GLS: variants seen among roughly 807,000 people sequenced by gnomAD.
GLS encodes the protein glutaminase kidney isoform, mitochondrial.
Under a neutral mutation model 86.7 loss-of-function variants are expected in GLS, and 36 were observed. That is an observed-to-expected ratio of 0.42 (90% confidence interval 0.32 to 0.55). The LOEUF (loss-of-function observed/expected upper bound fraction) is 0.55, where lower values mean the gene tolerates loss of function less well. Among genes scored for constraint, GLS ranks in the 20% least tolerant of loss-of-function variants. The probability of loss-of-function intolerance (pLI) is 0.17; values close to 1 mark genes in which losing one functional copy is unlikely to be tolerated. For synonymous variants in GLS, 317 were observed against 305.9 expected (o/e 1.04, Z -0.38); for missense variants, 528 against 833.4 (o/e 0.63, Z 4.51).
At chr2:190,911,980 T>A (rs1689377430) in intron 7 of GLS, among the ~76,000 whole-genome samples, 2 of 152,276 alleles carry the variant, frequency 1.3e-5, no homozygotes, top group South Asian at 4.1e-4. Flanking sequence ...TAATGATTCA[T>A]GGGTTTAACA....
rs1434652459 is a variant in GLS at position 190,921,472 on chromosome 2, A to C, written c.1130+269A>C. ...CTCTCTTCTATTTCTGTTCCAGGCT[A>C]TCTGGATTTTTACCCCAATTTTTTA... is the stretch of plus-strand genomic sequence containing the variant. On this transcript the variant is annotated intron_variant, in intron 9 of 17. Transcript: ENST00000320717. This position sits in a 1 kb window ranked among gnomAD's most constrained non-coding sequence, Gnocchi z 4.2. Among the ~76,000 whole-genome samples, 1 of 151,898 alleles carries C rather than the reference A, an allele frequency of 6.6e-6. No individual in the cohort carries two copies. The highest frequency in any genetic ancestry group is 1.5e-5 in the Non-Finnish European group (1 of 67,826).
At chr2:190,937,070 T>G (rs1177383516) in intron 14 of GLS, among the ~76,000 whole-genome samples, 2 of 151,388 alleles carry the variant, frequency 1.3e-5, no homozygotes, top group East Asian at 3.9e-4. Flanking sequence ...CATGATGGCC[T>G]TATGCTCAGA....
chr2:190,899,902 A>G (rs1688878053), intron 3 of GLS, among the ~76,000 whole-genome samples: 1 of 152,124 alleles, frequency 6.6e-6, no homozygotes, highest in African/African-American at 2.4e-5. Context: ...CATTATATTT[A>G]CATATCTTAC....
At chr2:190,888,064 T>G (rs1388535084) in intron 1 of GLS, among the ~76,000 whole-genome samples, 1 of 152,138 alleles carries the variant, frequency 6.6e-6, no homozygotes, top group East Asian at 1.9e-4. Context: ...CTTTTAAGAT[T>G]TCCCCCCCAT....
At position 190,924,440 on chromosome 2, in the gene GLS, TTAAAA is replaced by T. The variant is rs2124902165; in HGVS notation, c.1198-101_1198-97del. The T allele has an allele frequency of 1.4e-6, 1 of 715,742 alleles. No homozygotes were observed. The highest frequency in any genetic ancestry group is 2.7e-5 in the East Asian group (1 of 37,584). The allele number at this position is 715,742 out of a possible 1,614,324, so 44.3% of individuals were successfully genotyped here. A position where few individuals can be genotyped will look rare whatever the true frequency, so the allele number is the denominator to read the frequency against. ...TAGAAGTTACATGCTATTTTATTAA[TTAAAA>T]TGAAACACTTGTGTACATTTGAAAT... On this transcript the variant is annotated intron_variant, in intron 10 of 17. Transcript: ENST00000320717. This position sits in a 1 kb window ranked among gnomAD's most constrained non-coding sequence, Gnocchi z 5.2.
chr2:190,949,928 A>AAT lies in GLS; in HGVS notation c.1651-3629_1651-3628dup, dbSNP rs1013318792. 1.3e-5 allele frequency among the ~76,000 whole-genome samples: 2 copies of AAT among 150,296 alleles called. No individual in the cohort carries two copies. The highest frequency in any genetic ancestry group is 1.9e-4 in the East Asian group (1 of 5,156). On this transcript the variant is annotated intron_variant, in intron 14 of 17. Coordinates refer to ENST00000320717, the MANE Select transcript of GLS (RefSeq NM_014905.5). This position sits in a 1 kb window ranked among gnomAD's most constrained non-coding sequence, Gnocchi z 4.0. ...GAGACAAAAAACAAGTATATATAAA[A>AAT]ATATATATACTTTATATATAGTTAT...
intron 14 of GLS, among the ~76,000 whole-genome samples, chr2:190,945,700 G>T (rs1690562099): frequency 6.6e-6 from 1 of 151,860 alleles, no homozygotes; most frequent in East Asian, 1.9e-4. Flanking sequence ...AAAATTGTAT[G>T]CTTTTAAGGG....
intron 4 of GLS, among the ~76,000 whole-genome samples, chr2:190,901,680 T>A (rs1268418858): frequency 6.6e-6 from 1 of 151,832 alleles, no homozygotes; most frequent in Non-Finnish European, 1.5e-5. Flanking sequence ...TAGACTCTCC[T>A]GCTAAACATG....
intron 14 of GLS, among the ~76,000 whole-genome samples, chr2:190,940,076 T>G (rs1690381457): frequency 6.6e-6 from 1 of 151,938 alleles, no homozygotes; most frequent in Non-Finnish European, 1.5e-5. Flanking sequence ...AGTTTAATTT[T>G]CTTTAAAAAG....
intron 14 of GLS, among the ~76,000 whole-genome samples, chr2:190,944,115 A>G (rs1348541689): frequency 6.6e-6 from 1 of 152,102 alleles, no homozygotes; most frequent in Non-Finnish European, 1.5e-5. Context: ...ATCTATTTTC[A>G]GGGACCTTGT....
chr2:190,951,299 C>T lies in GLS; in HGVS notation c.1651-2266C>T, dbSNP rs1409232429. On this transcript the variant is annotated intron_variant, in intron 14 of 17. Transcript: ENST00000320717. This position sits in a 1 kb window ranked among gnomAD's most constrained non-coding sequence, Gnocchi z 4.2. ...AGGAAGCTGCTGGAGCTTTGGAGAG[C>T]GCTGTTTAGAGGTAACAATGAGTGT... Among the ~76,000 whole-genome samples, 1 of 151,892 alleles carries T rather than the reference C, an allele frequency of 6.6e-6. No individual in the cohort carries two copies. Among genetic ancestry groups the T allele is most frequent in the African/African-American group, 2.4e-5 (1 of 41,318 alleles).
chr2:190,946,313 T>G (rs1232557188), intron 14 of GLS, among the ~76,000 whole-genome samples: 1 of 152,194 alleles, frequency 6.6e-6, no homozygotes, highest in East Asian at 1.9e-4. Context: ...TATTTTCATT[T>G]AAAGACTATA....
chr2:190,906,998 C>T (rs568455507), intron 6 of GLS, among the ~76,000 whole-genome samples: 203 of 149,270 alleles, frequency 1.4e-3, no homozygotes, highest in Non-Finnish European at 2.2e-3. Flanking sequence ...GGCATGATCT[C>T]GGCTTACTGC....
intron 1 of GLS, among the ~76,000 whole-genome samples, chr2:190,882,320 G>A (rs540747994): frequency 1.6e-4 from 24 of 152,336 alleles, no homozygotes; most frequent in African/African-American, 5.5e-4. Context: ...CATCCTGTAT[G>A]TGTACGGCAC....
At chr2:190,916,911 C>T (rs556099720) in intron 7 of GLS, among the ~76,000 whole-genome samples, 2 of 152,242 alleles carry the variant, frequency 1.3e-5, no homozygotes, top group South Asian at 4.1e-4. Flanking sequence ...TGCTAAGGAT[C>T]ATCGGAGCCT....
At chr2:190,902,388 C>G (rs1182410877) in intron 5 of GLS, among the ~76,000 whole-genome samples, 2 of 152,066 alleles carry the variant, frequency 1.3e-5, no homozygotes, top group African/African-American at 4.8e-5. Context: ...ATTGGTAACC[C>G]ATCTGTCGTT....
intron 1 of GLS, among the ~76,000 whole-genome samples, chr2:190,892,102 A>G (rs1206074232): frequency 6.6e-6 from 1 of 152,164 alleles, no homozygotes; most frequent in Non-Finnish European, 1.5e-5. Context: ...CTTCTTCTAG[A>G]CTGTAAATGA....
chr2:190,917,993 G>A (rs921979809), intron 7 of GLS, among the ~76,000 whole-genome samples: 2 of 152,132 alleles, frequency 1.3e-5, no homozygotes, highest in African/African-American at 4.8e-5. Flanking sequence ...AAACAAGGTT[G>A]TAAACCGATG....
chr2:190,882,571 A>G (rs1688240127), intron 1 of GLS, among the ~76,000 whole-genome samples: 1 of 152,180 alleles, frequency 6.6e-6, no homozygotes, highest in Non-Finnish European at 1.5e-5. Flanking sequence ...CTTAAGTCAA[A>G]CTGAAAGTGA....
Sources: gnomAD v4.1 joint callset for allele counts (sites outside exome capture counted in the v4.1 genomes callset) on GRCh38, gnomAD v4.1.1 for gene constraint, Gnocchi (gnomAD v3.1) non-coding constraint, MANE v1.5 for transcripts, NCBI Gene and HGNC (gene_info 2026-07-23, HGNC 2026-07-21) for gene names.